The following RARB variants were observed in gnomAD, a reference collection of about 807,000 sequenced individuals.
RARB encodes the protein retinoic acid receptor beta.
RARB carries 17 observed loss-of-function variants against 51.9 expected under a neutral mutation model. The ratio of observed to expected loss-of-function variants is 0.33; its 90% CI spans 0.22 to 0.49. RARB has a LOEUF of 0.49. Among genes scored for constraint, RARB ranks in the 20% least tolerant of loss-of-function variants. The pLI, the probability that RARB is intolerant of heterozygous loss-of-function variation, is 0.99. For missense variants in RARB, 369 were observed against 550.8 expected (o/e 0.67, Z 3.30); for synonymous variants, 215 against 195.4 (o/e 1.10, Z -0.84).
chr3:25,327,898 T>A (rs1213806006), intron 5 of RARB, among the ~76,000 whole-genome samples: 1 of 152,188 alleles, frequency 6.6e-6, no homozygotes, highest in Admixed American at 6.5e-5. Context: ...TAAGCAAGTT[T>A]AAAAAGAGAA....
chr3:25,144,098 C>G lies in RARB; in HGVS notation c.-280+11890C>G, dbSNP rs565681618. On this transcript the variant is annotated intron_variant, in intron 4 of 11. Transcript: ENST00000383772. ...GGTAGACTCACCTGTTGCTGACAACCTTAGTTCATACATTCAACAGAATTT... is the reference window on the plus strand; with the variant it reads ...GGTAGACTCACCTGTTGCTGACAACGTTAGTTCATACATTCAACAGAATTT... Among the ~76,000 whole-genome samples, 10 of 152,276 alleles carry G rather than the reference C, an allele frequency of 6.6e-5. No individual in the cohort carries two copies. In the South Asian group the frequency reaches 2.1e-3, roughly 32 times the overall value.
chr3:24,993,008 A>T (rs1696946781), intron 2 of RARB, among the ~76,000 whole-genome samples: 1 of 152,202 alleles, frequency 6.6e-6, no homozygotes, highest in African/African-American at 2.4e-5. Context: ...ATTTACTTAA[A>T]GGAACATTAA....
At chr3:25,567,080 C>T (rs1233596429) in intron 3 of RARB, among the ~76,000 whole-genome samples, 1 of 152,198 alleles carries the variant, frequency 6.6e-6, no homozygotes, top group Non-Finnish European at 1.5e-5. Flanking sequence ...TCGACTCAAA[C>T]AGTTCCTGGT....
chr3:25,548,311 C>A (rs1002106187), intron 3 of RARB, among the ~76,000 whole-genome samples: 1 of 151,832 alleles, frequency 6.6e-6, no homozygotes, highest in Non-Finnish European at 1.5e-5. Context: ...AAATGGATAC[C>A]CTGATTGATT....
At chr3:25,063,296 T>A (rs1195794507) in intron 3 of RARB, among the ~76,000 whole-genome samples, 1 of 152,040 alleles carries the variant, frequency 6.6e-6, no homozygotes, top group Non-Finnish European at 1.5e-5. Context: ...ATTCTCTTGA[T>A]AAGAAAGGTG....
chr3:25,194,898 C>T (rs771461214), intron 5 of RARB, among the ~76,000 whole-genome samples: 3 of 151,902 alleles, frequency 2.0e-5, no homozygotes, highest in Non-Finnish European at 2.9e-5. Context: ...CTTTTCCTGG[C>T]TCTGCTTTTC....
intron 2 of RARB, among the ~76,000 whole-genome samples, chr3:24,934,799 T>C (rs1040707398): frequency 1.6e-4 from 25 of 152,230 alleles, no homozygotes; most frequent in African/African-American, 5.8e-4. Context: ...CTGGAAAAAG[T>C]TTTTGAGTGA....
At chr3:24,892,758 T>C (rs1250279299) in intron 2 of RARB, among the ~76,000 whole-genome samples, 2 of 152,210 alleles carry the variant, frequency 1.3e-5, no homozygotes, top group East Asian at 3.9e-4. Flanking sequence ...CATGTATGTA[T>C]GTGTAACATA....
Position 24,975,946 on chromosome 3 carries a change from T to C in RARB, c.-379-84179T>C, listed in dbSNP as rs538834149. Among the ~76,000 whole-genome samples the C allele has an allele frequency of 2.0e-3, 298 of 152,254 alleles. 1 individual carries two copies. The highest frequency in any genetic ancestry group is 4.8e-3 in the Admixed American group (74 of 15,282). ...CCCTCCACCCAACAACAGGCCCCAG[T>C]GTGGGGTATTCCCCTCCCTGTGTCC... On this transcript the variant is annotated intron_variant, in intron 2 of 11. Coordinates refer to the RARB transcript ENST00000383772.
chr3:25,499,379 T>C (rs569979353), intron 2 of RARB, among the ~76,000 whole-genome samples: 1 of 152,328 alleles, frequency 6.6e-6, no homozygotes, highest in African/African-American at 2.4e-5. Flanking sequence ...TCACTCTTAA[T>C]ACTCATAGCA....
chr3:25,200,361 G>C (rs1466125071), intron 5 of RARB, among the ~76,000 whole-genome samples: 1 of 151,814 alleles, frequency 6.6e-6, no homozygotes, highest in Non-Finnish European at 1.5e-5. Context: ...CAGATAAGTA[G>C]ATTGCAAAAA....
At chr3:25,109,458 A>G (rs750391758) in intron 3 of RARB, among the ~76,000 whole-genome samples, 2 of 152,208 alleles carry the variant, frequency 1.3e-5, no homozygotes, top group African/African-American at 2.4e-5. Flanking sequence ...GTGATTAAAT[A>G]ATTTGTACAA....
chr3:24,961,909 C>T (rs1696148241), intron 2 of RARB, among the ~76,000 whole-genome samples: 2 of 143,740 alleles, frequency 1.4e-5, no homozygotes, highest in Admixed American at 7.1e-5. Flanking sequence ...TTAGTGTTCC[C>T]TTTGGGTGTC....
At chr3:25,537,520 G>T (rs1461056457) in intron 3 of RARB, among the ~76,000 whole-genome samples, 2 of 152,176 alleles carry the variant, frequency 1.3e-5, no homozygotes, top group South Asian at 2.1e-4. Context: ...TGCAGATGTA[G>T]TCACTGAGGC....
chr3:25,149,745 C>T (rs189854268), intron 4 of RARB, among the ~76,000 whole-genome samples: 288 of 152,346 alleles, frequency 1.9e-3, no homozygotes, highest in African/African-American at 6.8e-3. Flanking sequence ...CCCACCTCCC[C>T]TCTCCCCATC....
intron 2 of RARB, among the ~76,000 whole-genome samples, chr3:25,493,004 A>G (rs1696821250): frequency 6.6e-6 from 1 of 151,786 alleles, no homozygotes; most frequent in Non-Finnish European, 1.5e-5. Context: ...TTTTTAAACA[A>G]AAATAAACAA....
chr3:25,197,107 A>G (rs1303732574), intron 5 of RARB, among the ~76,000 whole-genome samples: 3 of 151,894 alleles, frequency 2.0e-5, no homozygotes, highest in Non-Finnish European at 2.9e-5. Context: ...TTTTGTTGTC[A>G]TTGCTTTTGG....
intron 2 of RARB, among the ~76,000 whole-genome samples, chr3:24,950,077 G>C (rs1695857033): frequency 6.6e-6 from 1 of 152,164 alleles, no homozygotes; most frequent in South Asian, 2.1e-4. Flanking sequence ...AATTCATATT[G>C]TTAGAAAGCA....
At chr3:25,047,947 A>G (rs775464110) in intron 2 of RARB, among the ~76,000 whole-genome samples, 23 of 152,318 alleles carry the variant, frequency 1.5e-4, no homozygotes, top group Non-Finnish European at 2.8e-4. Context: ...TCTCCTACAC[A>G]GTTCTCATGG....
Sources: gnomAD v4.1 joint callset for allele counts (sites outside exome capture counted in the v4.1 genomes callset) on GRCh38, gnomAD v4.1.1 for gene constraint, MANE v1.5 for transcripts, NCBI Gene and HGNC (gene_info 2026-07-23, HGNC 2026-07-21) for gene names.